Variants in EDNRB observed in about 807,000 individuals in gnomAD.
EDNRB encodes Hirschsprung disease 2.
EDNRB carries 18 observed loss-of-function variants against 46.4 expected under a neutral mutation model. The observed-to-expected ratio is 0.39, with a 90% CI of 0.27 to 0.57. The LOEUF (loss-of-function observed/expected upper bound fraction) is 0.57, where lower values mean the gene tolerates loss of function less well. Among genes scored for constraint, EDNRB ranks in the 20% least tolerant of loss-of-function variants. The probability of loss-of-function intolerance (pLI) is 0.61; values close to 1 mark genes in which losing one functional copy is unlikely to be tolerated. For missense variants in EDNRB, 434 were observed against 537.5 expected (o/e 0.81, Z 1.90); for synonymous variants, 213 against 204.9 (o/e 1.04, Z -0.34).
intron 1 of EDNRB, among the ~76,000 whole-genome samples, chr13:77,911,340 T>C (rs1169060922): frequency 6.6e-6 from 1 of 152,046 alleles, no homozygotes; most frequent in Non-Finnish European, 1.5e-5. Context: ...CTGTGGAATA[T>C]CTTATGGGAG....
intron 1 of EDNRB, among the ~76,000 whole-genome samples, chr13:77,958,772 T>C (rs555209717): frequency 6.6e-6 from 1 of 152,352 alleles, no homozygotes; most frequent in Non-Finnish European, 1.5e-5. Flanking sequence ...TTTTGAGGAA[T>C]GACTCAGCCT....
At chr13:77,936,591 C>T (rs1040335524) in intron 1 of EDNRB, among the ~76,000 whole-genome samples, 1 of 152,236 alleles carries the variant, frequency 6.6e-6, no homozygotes, top group Admixed American at 6.5e-5. Context: ...CAGTCTTCAG[C>T]TGCTAAGCCG....
intron 1 of EDNRB, among the ~76,000 whole-genome samples, chr13:77,940,708 TG>T (rs1566329126): frequency 3.9e-5 from 1 of 25,610 alleles, no homozygotes; most frequent in Non-Finnish European, 1.6e-4. Flanking sequence ...TGGGTGTGTG[TG>T]TGTGTGTGTG....
chr13:77,906,429 G>A (rs529440720), intron 1 of EDNRB, among the ~76,000 whole-genome samples: 1 of 152,138 alleles, frequency 6.6e-6, no homozygotes, highest in Non-Finnish European at 1.5e-5. Context: ...TTTGAATGTG[G>A]ATTGGACTTA....
Position 77,903,043 on chromosome 13 carries a change from A to C in EDNRB, c.801+113T>G. On this transcript the variant is annotated intron_variant, in intron 3 of 6. Transcript: ENST00000646607. ...GTCCTTGGATCTATACTCTTAATTT[A>C]TGCCAAGGACAGTCATAAATCAACA... 3 of 1,152,302 alleles carry C rather than the reference A, an allele frequency of 2.6e-6. No homozygotes were observed. In the East Asian group the frequency reaches 7.5e-5, roughly 29 times the overall value. 71.4% of individuals were successfully genotyped at this position (1,152,302 alleles called of 1,614,324 possible).
At chr13:77,911,649 C>T (rs1201227882) in intron 1 of EDNRB, among the ~76,000 whole-genome samples, 1 of 151,988 alleles carries the variant, frequency 6.6e-6, no homozygotes, top group Admixed American at 6.6e-5. Flanking sequence ...TCTATCTTCT[C>T]CCTTCACGCC....
At chr13:77,924,158 C>T (rs1444184077), upstream of EDNRB, among the ~76,000 whole-genome samples, 3 of 152,132 alleles carry the variant, frequency 2.0e-5, no homozygotes, top group South Asian at 4.1e-4. Context: ...TTTGTCAAAG[C>T]GAGGGATCAT....
chr13:77,959,936 C>T (rs146173986), intron 1 of EDNRB, among the ~76,000 whole-genome samples: 2,182 of 152,172 alleles, frequency 0.014, 46 homozygotes, highest in East Asian at 0.024. Context: ...GAAAGGGTAT[C>T]AGTGATTGAA....
At chr13:77,963,186 C>T (rs1881478312) in intron 1 of EDNRB, among the ~76,000 whole-genome samples, 1 of 152,168 alleles carries the variant, frequency 6.6e-6, no homozygotes, top group South Asian at 2.1e-4. Context: ...GTGAAAATGT[C>T]CATACTGCCC....
In EDNRB at chr13:77,897,014, T is replaced by A; in HGVS notation, c.*1186A>T. 1.0e-6 allele frequency: 1 copy of A among 990,796 alleles called. No homozygotes were observed. The highest frequency in any genetic ancestry group is 1.2e-6 in the Non-Finnish European group (1 of 833,752). The allele number at this position is 990,796 out of a possible 1,614,324, so 61.4% of individuals were successfully genotyped here. On this transcript the variant is annotated 3_prime_UTR_variant, in exon 7 of 7. Coordinates refer to ENST00000646607, the MANE Select transcript of EDNRB (RefSeq NM_001122659.3). ...ATTAGTAATAAGCTTTACAGGTAGCTGTTAAATGTACTAATCTGTATGATT... is the reference window on the plus strand; with the variant it reads ...ATTAGTAATAAGCTTTACAGGTAGCAGTTAAATGTACTAATCTGTATGATT...
upstream of EDNRB, chr13:77,919,282 C>T (rs1879988199): frequency 8.9e-7 from 1 of 1,129,778 alleles, no homozygotes; most frequent in Non-Finnish European, 1.2e-6. Flanking sequence ...TTAATTTGCC[C>T]TCTCTATAGG....
At chr13:77,904,170 G>T (rs4885492) in intron 1 of EDNRB, among the ~76,000 whole-genome samples, 1 of 151,604 alleles carries the variant, frequency 6.6e-6, no homozygotes, top group Non-Finnish European at 1.5e-5. Context: ...TAGGGCTTTC[G>T]CTGTAGGTCC....
intron 6 of EDNRB, 90 bp downstream of exon 6, chr13:77,899,768 TA>T: frequency 1.1e-6 from 1 of 949,732 alleles, no homozygotes; most frequent in Non-Finnish European, 1.6e-6. Flanking sequence ...GATAATTTAC[TA>T]AATCTGTCTG....
chr13:77,945,435 A>T (rs1205316410), intron 1 of EDNRB, among the ~76,000 whole-genome samples: 3 of 152,328 alleles, frequency 2.0e-5, no homozygotes, highest in East Asian at 3.9e-4. Flanking sequence ...TCTTACAACA[A>T]GAAAATGTGA....
chr13:77,903,045 G>T, intron 3 of EDNRB, 111 bp downstream of exon 3: 1 of 1,165,334 alleles, frequency 8.6e-7, no homozygotes, highest in Non-Finnish European at 1.2e-6. Context: ...CTTAATTTAT[G>T]CCAAGGACAG....
chr13:77,958,516 G>A (rs879516872), intron 1 of EDNRB, among the ~76,000 whole-genome samples: 47 of 152,214 alleles, frequency 3.1e-4, no homozygotes, highest in African/African-American at 1.1e-3. Context: ...GGGACTATGG[G>A]CACCCACCAC....
chr13:77,899,735 A>T (rs1878837290), intron 6 of EDNRB, 124 bp downstream of exon 6: 1 of 732,526 alleles, frequency 1.4e-6, no homozygotes, highest in Non-Finnish European at 2.3e-6. Flanking sequence ...ATCATCCATG[A>T]TGTAATAAAA....
intron 1 of EDNRB, among the ~76,000 whole-genome samples, chr13:77,959,326 T>C (rs887607931): frequency 1.3e-5 from 2 of 152,092 alleles, no homozygotes; most frequent in African/African-American, 4.8e-5. Flanking sequence ...ATGGCCAGGT[T>C]CCCCTCTGAG....
intron 1 of EDNRB, among the ~76,000 whole-genome samples, chr13:77,952,743 C>T (rs757189923): frequency 1.3e-5 from 2 of 152,098 alleles, no homozygotes; most frequent in Non-Finnish European, 2.9e-5. Flanking sequence ...TCTCATGATG[C>T]CCTGGACCTA....
Sources: allele counts gnomAD v4.1 joint callset (sites outside exome capture counted in the v4.1 genomes callset), GRCh38; gene constraint gnomAD v4.1.1; transcripts MANE v1.5; gene names NCBI Gene and HGNC (gene_info 2026-07-23, HGNC 2026-07-21).